The following NEK1 variants were observed in gnomAD, a reference collection of about 807,000 sequenced individuals.
The protein encoded by NEK1 is NIMA related kinase 1, also known as serine/threonine-protein kinase Nek1.
NEK1 carries 137 observed loss-of-function variants against 182.1 expected under a neutral mutation model. That is an observed-to-expected ratio of 0.75 (90% confidence interval 0.65 to 0.87). The LOEUF (loss-of-function observed/expected upper bound fraction) is 0.87. Among genes scored for constraint, NEK1 ranks in the 40% least tolerant of loss-of-function variants. NEK1 has a pLI of 0.00. For missense variants in NEK1, 1,391 were observed against 1,494.4 expected, an observed-to-expected ratio of 0.93 and a Z score of 1.14; for synonymous variants, 513 against 492.2, an observed-to-expected ratio of 1.04 and a Z score of -0.56.
At chr4:169,421,298 T>A (rs1027968265) in intron 31 of NEK1, among the ~76,000 whole-genome samples, 1 of 152,198 alleles carries the variant, frequency 6.6e-6, no homozygotes, top group South Asian at 2.1e-4. Flanking sequence ...AACTTATCAA[T>A]TCATCCAGGA....
At chr4:169,510,542 T>A (rs1025486493) in intron 19 of NEK1, among the ~76,000 whole-genome samples, 12 of 152,156 alleles carry the variant, frequency 7.9e-5, no homozygotes, top group Non-Finnish European at 1.6e-4. Flanking sequence ...CTTAAATTGC[T>A]AAATGAGTTT....
At chr4:169,448,498 C>T (rs1252084672) in intron 27 of NEK1, among the ~76,000 whole-genome samples, 1 of 152,028 alleles carries the variant, frequency 6.6e-6, no homozygotes, top group African/African-American at 2.4e-5. Context: ...CTAAAGAAAT[C>T]ACCTTCTCTA....
chr4:169,463,505 G>T (rs893912774), intron 26 of NEK1, 110 bp from the exon 27 acceptor site: 1 of 621,826 alleles, frequency 1.6e-6, no homozygotes, highest in Non-Finnish European at 2.5e-6. Flanking sequence ...GAGAAAAAAA[G>T]GTTATATCAC....
chr4:169,434,089 C>T (rs1292904928), intron 28 of NEK1, among the ~76,000 whole-genome samples: 3 of 151,270 alleles, frequency 2.0e-5, no homozygotes, highest in African/African-American at 7.3e-5. Flanking sequence ...TTTCAATCTT[C>T]AAAATCTATC....
At chr4:169,570,073 A>C (rs1224825805) in intron 12 of NEK1, among the ~76,000 whole-genome samples, 1 of 138,228 alleles carries the variant, frequency 7.2e-6, no homozygotes, top group Non-Finnish European at 1.6e-5. Context: ...CCGCCATCCC[A>C]TCTAGGAAGT....
chr4:169,580,066 T>C (rs576978097), intron 11 of NEK1, among the ~76,000 whole-genome samples: 4 of 152,324 alleles, frequency 2.6e-5, no homozygotes, highest in Admixed American at 6.5e-5. Context: ...ATACATAGTA[T>C]ATAACCATAT....
chr4:169,556,184 G>A (rs1687371719), intron 16 of NEK1, 89 bp from the exon 17 acceptor site: 4 of 1,193,560 alleles, frequency 3.4e-6, no homozygotes, highest in Admixed American at 3.1e-5. Context: ...AAATTTCAAT[G>A]CTTCACTTTT....
intron 35 of NEK1, among the ~76,000 whole-genome samples, chr4:169,399,525 C>T (rs942409007): frequency 5.3e-5 from 8 of 151,270 alleles, no homozygotes; most frequent in South Asian, 2.1e-4. Flanking sequence ...TGCAATGAGC[C>T]GAGATCACGA....
rs559707444 is a variant in NEK1 at position 169,473,123 on chromosome 4, G to A, written c.2434+4001C>T. ...AAAAAAGAAAAAAAAAAAATTAGCCGGGCATGGCAGCACGTGCCTGTAGTT... is the reference window on the plus strand; with the variant it reads ...AAAAAAGAAAAAAAAAAAATTAGCCAGGCATGGCAGCACGTGCCTGTAGTT... On this transcript the variant is annotated intron_variant, in intron 26 of 35. Transcript: ENST00000507142. 9.2e-5 allele frequency among the ~76,000 whole-genome samples: 14 copies of A among 151,788 alleles called. No individual in the cohort carries two copies. In the East Asian group the frequency reaches 9.7e-4, roughly 10 times the overall value.
intron 23 of NEK1, among the ~76,000 whole-genome samples, chr4:169,504,017 A>T (rs1441887630): frequency 6.6e-6 from 1 of 152,190 alleles, no homozygotes; most frequent in Non-Finnish European, 1.5e-5. Flanking sequence ...AAGGACCTCA[A>T]ACCACTCAAC....
chr4:169,503,221 T>C (rs1034487901), intron 23 of NEK1, among the ~76,000 whole-genome samples: 1 of 151,846 alleles, frequency 6.6e-6, no homozygotes, highest in African/African-American at 2.4e-5. Context: ...ATGAAGAAAA[T>C]CATAGATGAC....
intron 26 of NEK1, among the ~76,000 whole-genome samples, chr4:169,474,889 A>C (rs540707516): frequency 6.0e-4 from 92 of 152,320 alleles, no homozygotes; most frequent in African/African-American, 2.1e-3. Flanking sequence ...GGTTTCAAGG[A>C]TATCTACTTC....
intron 20 of NEK1, 89 bp downstream of exon 20, chr4:169,508,680 T>C: frequency 2.0e-6 from 2 of 989,434 alleles, no homozygotes; most frequent in Non-Finnish European, 2.9e-6. Context: ...CTTCAAATAA[T>C]TGTTAAGAAT....
intron 24 of NEK1, 147 bp from the exon 25 acceptor site, chr4:169,477,644 T>G (rs2149550855): frequency 1.7e-6 from 1 of 599,840 alleles, no homozygotes; most frequent in Admixed American, 3.4e-5. Context: ...CAAAGCTTCC[T>G]TCATTATCAG....
rs371429390 is a variant in NEK1 at position 169,426,556 on chromosome 4, T to C, written c.2886-322A>G. 2.9e-3 allele frequency among the ~76,000 whole-genome samples: 446 copies of C among 152,322 alleles called. 3 individuals carry two copies. Among genetic ancestry groups the C allele is most frequent in the African/African-American group, 0.01 (425 of 41,578 alleles). On this transcript the variant is annotated intron_variant, in intron 29 of 35. Transcript: ENST00000507142. ...CAAATTCTCAGCCTCACCCTTGACC[T>C]GTGAATCAGAAACTTTGGGGGATAA... is the stretch of plus-strand genomic sequence containing the variant.
intron 32 of NEK1, among the ~76,000 whole-genome samples, chr4:169,405,166 T>A (rs1007658257): frequency 6.6e-6 from 1 of 152,230 alleles, no homozygotes; most frequent in Non-Finnish European, 1.5e-5. Flanking sequence ...AATTTCATTG[T>A]TGTGCTAACA....
At chr4:169,558,155 C>T (rs924964865) in intron 16 of NEK1, among the ~76,000 whole-genome samples, 2 of 152,112 alleles carry the variant, frequency 1.3e-5, no homozygotes, top group Admixed American at 1.3e-4. Context: ...TAGCCCAATG[C>T]TAATATCATC....
intron 12 of NEK1, among the ~76,000 whole-genome samples, chr4:169,563,642 A>G (rs764121515): frequency 3.3e-5 from 5 of 152,344 alleles, no homozygotes; most frequent in Middle Eastern, 6.8e-3. Flanking sequence ...TGGCAATGAC[A>G]GCAAATCCCT....
At chr4:169,498,796 G>A (rs1003188255) in intron 23 of NEK1, among the ~76,000 whole-genome samples, 3 of 152,092 alleles carry the variant, frequency 2.0e-5, no homozygotes, top group Non-Finnish European at 4.4e-5. Flanking sequence ...ATGGGCTTCC[G>A]TTTGTAGGTA....
Sources: allele counts gnomAD v4.1 joint callset (sites outside exome capture counted in the v4.1 genomes callset), GRCh38; gene constraint gnomAD v4.1.1; transcripts MANE v1.5; gene names NCBI Gene and HGNC (gene_info 2026-07-23, HGNC 2026-07-21).